Variants in DNM2 observed in about 807,000 individuals in gnomAD.
DNM2 encodes dynamin-2.
DNM2 carries 15 observed loss-of-function variants against 99.0 expected under a neutral mutation model. The ratio of observed to expected loss-of-function variants is 0.15; its 90% CI spans 0.10 to 0.23. DNM2 has a LOEUF of 0.23. Among genes scored for constraint, DNM2 ranks in the 10% least tolerant of loss-of-function variants. DNM2 has a pLI of 1.00. For missense variants in DNM2, 742 were observed against 1,189.4 expected (o/e 0.62, Z 5.53); for synonymous variants, 525 against 481.2 (o/e 1.09, Z -1.19).
At chr19:10,799,858 A>G (rs1241948284) in intron 11 of DNM2, among the ~76,000 whole-genome samples, 1 of 148,334 alleles carries the variant, frequency 6.7e-6, no homozygotes, top group Admixed American at 6.8e-5. Flanking sequence ...TTAACATTTA[A>G]CGCTTTCTTG....
At chr19:10,792,126 G>A (rs1040117642) in intron 7 of DNM2, among the ~76,000 whole-genome samples, 1 of 152,128 alleles carries the variant, frequency 6.6e-6, no homozygotes, top group Non-Finnish European at 1.5e-5. Context: ...CCCCATTCCA[G>A]GTGAAGCATT....
chr19:10,746,107 C>A (rs948525761), intron 1 of DNM2, among the ~76,000 whole-genome samples: 3 of 152,062 alleles, frequency 2.0e-5, no homozygotes, highest in African/African-American at 4.8e-5. Context: ...TACAGGCACA[C>A]GCCACCACAC....
At chr19:10,741,890 C>T (rs1322065794) in intron 1 of DNM2, among the ~76,000 whole-genome samples, 1 of 122,874 alleles carries the variant, frequency 8.1e-6, no homozygotes, top group Non-Finnish European at 1.6e-5. Context: ...TCCTCCCTCC[C>T]TTCCTCTTTA....
intron 5 of DNM2, among the ~76,000 whole-genome samples, chr19:10,778,269 G>A (rs1215398906): frequency 9.3e-5 from 14 of 151,268 alleles, no homozygotes; most frequent in East Asian, 2.0e-4. Flanking sequence ...TGCTGACCTC[G>A]TGATCCACCC....
chr19:10,776,994 T>C (rs1408120321), intron 4 of DNM2, 124 bp from the exon 5 acceptor site: 9 of 887,034 alleles, frequency 1.0e-5, no homozygotes, highest in Non-Finnish European at 1.7e-5. Flanking sequence ...TGTGACGTTC[T>C]GGCTTTCCCA....
intron 7 of DNM2, among the ~76,000 whole-genome samples, chr19:10,789,980 G>T (rs774540686): frequency 1.3e-5 from 2 of 152,200 alleles, no homozygotes; most frequent in Non-Finnish European, 2.9e-5. Context: ...CAGTTGCCTT[G>T]CAGGGCCCTC....
At position 10,796,900 on chromosome 19, in the gene DNM2, C is replaced by G. The variant is rs147903093; in HGVS notation, c.1197-480C>G. Among the ~76,000 whole-genome samples, 4 of 152,280 alleles carry G rather than the reference C, an allele frequency of 2.6e-5. No homozygotes were observed. In the East Asian group the frequency reaches 7.7e-4, roughly 29 times the overall value. Reference sequence around the variant, plus strand: ...CTTTGGCCAAGCAGCTGAAATGCCTCCCAGTGGGCAGTCTGTGCTTGCGCG... The same window carrying G: ...CTTTGGCCAAGCAGCTGAAATGCCTGCCAGTGGGCAGTCTGTGCTTGCGCG... On this transcript the variant is annotated intron_variant, in intron 9 of 20. Transcript: ENST00000389253. The surrounding 1 kb of genome is among the most constrained non-coding windows in gnomAD (Gnocchi z 5.6).
chr19:10,804,820 C>G (rs890621024), intron 12 of DNM2, among the ~76,000 whole-genome samples: 1 of 152,208 alleles, frequency 6.6e-6, no homozygotes, highest in African/African-American at 2.4e-5. Flanking sequence ...GAAACAGAAG[C>G]CTACTTTCTC....
chr19:10,824,830 A>G (rs568465748), intron 17 of DNM2: 112 of 616,542 alleles, frequency 1.8e-4, no homozygotes, highest in African/African-American at 1.8e-3. Flanking sequence ...ACAAAAAAAC[A>G]ACGTTCCAAT....
intron 1 of DNM2, among the ~76,000 whole-genome samples, chr19:10,756,328 C>T (rs778926394): frequency 3.3e-5 from 5 of 151,990 alleles, no homozygotes; most frequent in Admixed American, 6.6e-5. Context: ...ATGTCTTCCT[C>T]GCACCCACCC....
Position 10,793,875 on chromosome 19 carries a change from G to T in DNM2, c.1128+20G>T. On this transcript the variant is annotated intron_variant, in intron 8 of 20. Transcript: ENST00000389253. ...GTGAAGGTAGTGCCCCCCGGGGCTGGGCCCTCCCGTCTCTGGTCAGGCACC... is the reference window on the plus strand; with the variant it reads ...GTGAAGGTAGTGCCCCCCGGGGCTGTGCCCTCCCGTCTCTGGTCAGGCACC... 2 of 1,614,032 alleles carry T rather than the reference G, an allele frequency of 1.2e-6. No homozygotes were observed. Among genetic ancestry groups the T allele is most frequent in the Non-Finnish European group, 1.7e-6 (2 of 1,179,976 alleles).
rs572352569 is a variant in DNM2, at chr19:10,817,597, CT to C, written c.1672-2381del. On this transcript the variant is annotated intron_variant, in intron 15 of 20. Coordinates refer to ENST00000389253, the MANE Select transcript of DNM2 (RefSeq NM_001005361.3). The surrounding 1 kb of genome is among the most constrained non-coding windows in gnomAD (Gnocchi z 4.6). ...CTGAGCAGCCAAGGAAACCACCACT[CT>C]TCCCGAGACGATCCGCTCTGTCCCT... 1 of 343,802 alleles carries C rather than the reference CT, an allele frequency of 2.9e-6. No individual in the cohort carries two copies. The highest frequency in any genetic ancestry group is 2.1e-5 in the South Asian group (1 of 47,248). The allele number at this position is 343,802 out of a possible 1,614,324, so 21.3% of individuals were successfully genotyped here. A position where few individuals can be genotyped will look rare whatever the true frequency, so the allele number is the denominator to read the frequency against.
rs144734624 is a variant in DNM2, at chr19:10,784,782, G to A, written c.849+1662G>A. On this transcript the variant is annotated intron_variant, in intron 6 of 20. Coordinates refer to ENST00000389253, the MANE Select transcript of DNM2 (RefSeq NM_001005361.3). ...TTCCTTCATGCCTCTTTTCTAGCTC[G>A]CCAGACACTTTGTATTTATTTTTTA... 3.8e-3 allele frequency among the ~76,000 whole-genome samples: 574 copies of A among 150,730 alleles called. 3 individuals are homozygous for A. The highest frequency in any genetic ancestry group is 0.012 in the African/African-American group (501 of 40,970).
At chr19:10,718,615 G>GT in intron 1 of DNM2, 1 of 671,938 alleles carries the variant, frequency 1.5e-6, no homozygotes, top group Non-Finnish European at 2.0e-6. Flanking sequence ...CCCAGGGGCG[G>GT]TGTCACGGGC....
chr19:10,735,146 C>G (rs528655307), intron 1 of DNM2, among the ~76,000 whole-genome samples: 12 of 152,224 alleles, frequency 7.9e-5, no homozygotes, highest in African/African-American at 2.4e-4. Context: ...TGGGTTCACG[C>G]CATTCTCCTG....
intron 11 of DNM2, among the ~76,000 whole-genome samples, 195 bp from the exon 12 acceptor site, chr19:10,802,093 G>C (rs931226947): frequency 1.3e-5 from 2 of 152,034 alleles, no homozygotes; most frequent in East Asian, 3.9e-4. Context: ...ATTGGGCTGC[G>C]TGGCTGTGCT....
chr19:10,725,213 C>T (rs1326747057), intron 1 of DNM2, among the ~76,000 whole-genome samples: 1 of 152,052 alleles, frequency 6.6e-6, no homozygotes, highest in Non-Finnish European at 1.5e-5. Flanking sequence ...TTTGGGAGGC[C>T]GAGGCAGGCA....
Position 10,830,949 on chromosome 19 carries a change from C to A in DNM2, c.2544-29C>A, listed in dbSNP as rs776073515. On this transcript the variant is annotated intron_variant, in intron 20 of 20. Coordinates refer to ENST00000389253, the MANE Select transcript of DNM2 (RefSeq NM_001005361.3). This position sits in a 1 kb window ranked among gnomAD's most constrained non-coding sequence, Gnocchi z 4.8. ...CTCCCGGCCTCACTGCCGTCTCCCC[C>A]TCCCCACCTGTCTTTATTCTCTTTG... is the stretch of plus-strand genomic sequence containing the variant. 6.2e-7 allele frequency: 1 copy of A among 1,603,180 alleles called. No homozygotes were observed. The highest frequency in any genetic ancestry group is 8.5e-7 in the Non-Finnish European group (1 of 1,174,694).
At chr19:10,751,722 C>G (rs551214767) in intron 1 of DNM2, among the ~76,000 whole-genome samples, 35 of 152,258 alleles carry the variant, frequency 2.3e-4, no homozygotes, top group Non-Finnish European at 4.4e-4. Context: ...GCGAGGCCCT[C>G]TGCGCCTGCC....
Sources: allele counts gnomAD v4.1 joint callset (sites outside exome capture counted in the v4.1 genomes callset), GRCh38; gene constraint gnomAD v4.1.1; non-coding constraint Gnocchi (gnomAD v3.1); transcripts MANE v1.5; gene names NCBI Gene and HGNC (gene_info 2026-07-23, HGNC 2026-07-21).